COPA: variants seen among roughly 807,000 people sequenced by gnomAD.
COPA encodes the protein coatomer subunit alpha.
Under a neutral mutation model 158.7 loss-of-function variants are expected in COPA, and 10 were observed. The observed-to-expected ratio is 0.06, with a 90% confidence interval of 0.04 to 0.11. The LOEUF is 0.11. COPA is among the 10% of genes least tolerant of loss of function. COPA has a pLI of 1.00. For missense variants in COPA, 1,065 were observed against 1,536.7 expected, an observed-to-expected ratio of 0.69 and a Z score of 5.13; for synonymous variants, 462 against 542.8, an observed-to-expected ratio of 0.85 and a Z score of 2.07.
intron 6 of COPA, among the ~76,000 whole-genome samples, chr1:160,331,869 C>T (rs1230509197): frequency 2.0e-5 from 3 of 151,656 alleles, no homozygotes; most frequent in Non-Finnish European, 4.4e-5. Flanking sequence ...TGCTTGAACC[C>T]GGGAGGTGGA....
At chr1:160,317,443 G>A (rs1659186340) in intron 8 of COPA, 9 of 1,608,844 alleles carry the variant, frequency 5.6e-6, no homozygotes, top group South Asian at 1.1e-5. Flanking sequence ...GGACTTGGGG[G>A]ATAAGAAGGA....
intron 17 of COPA, 39 bp from the exon 18 acceptor site, chr1:160,299,303 A>G (rs1229273361): frequency 1.3e-6 from 2 of 1,571,052 alleles, no homozygotes; most frequent in South Asian, 2.3e-5. Context: ...AGTGAGAGGG[A>G]AAATCCATCC....
intron 2 of COPA, 40 bp downstream of exon 2, chr1:160,340,141 A>T: frequency 6.6e-7 from 1 of 1,517,096 alleles, no homozygotes; most frequent in South Asian, 1.1e-5. Flanking sequence ...GATATTATAA[A>T]TACTTATACT....
At chr1:160,342,879 T>C (rs927136182) in intron 1 of COPA, among the ~76,000 whole-genome samples, 2 of 151,736 alleles carry the variant, frequency 1.3e-5, no homozygotes, top group Admixed American at 1.3e-4. Flanking sequence ...GAAGAAAGAA[T>C]AGGGAGGGGG....
At chr1:160,338,285 T>C (rs1046722876) in intron 3 of COPA, among the ~76,000 whole-genome samples, 1 of 152,222 alleles carries the variant, frequency 6.6e-6, no homozygotes, top group Non-Finnish European at 1.5e-5. Context: ...TGAGTTTTGA[T>C]TGCCCCAGGA....
intron 17 of COPA, among the ~76,000 whole-genome samples, chr1:160,299,666 TAATA>T (rs201597137): frequency 0.014 from 2,122 of 152,256 alleles, 47 homozygotes; most frequent in African/African-American, 0.042. Flanking sequence ...AACTGAATAA[TAATA>T]AATAGATTGC....
intron 3 of COPA, among the ~76,000 whole-genome samples, chr1:160,338,097 T>C (rs1647858145): frequency 6.6e-6 from 1 of 152,234 alleles, no homozygotes; most frequent in African/African-American, 2.4e-5. Flanking sequence ...TTCCAAAATA[T>C]TAGTCATTTT....
At chr1:160,335,604 C>A (rs1196473954) in intron 3 of COPA, among the ~76,000 whole-genome samples, 2 of 152,054 alleles carry the variant, frequency 1.3e-5, no homozygotes, top group Admixed American at 6.5e-5. Flanking sequence ...GTTTTTCAGG[C>A]TGGGCGTGGT....
chr1:160,330,669 C>T (rs1271212195), intron 6 of COPA, among the ~76,000 whole-genome samples: 1 of 152,140 alleles, frequency 6.6e-6, no homozygotes, highest in Non-Finnish European at 1.5e-5. Flanking sequence ...AGAACAAGTG[C>T]CATTATTGCC....
rs981434116 is a variant in COPA at position 160,298,780 on chromosome 1, C to T, written c.1977+65G>A. ...AGAAGCAAGCCCAGAATAATGCCCT[C>T]CCAATGGCACTCTAACTCTCTCACC... is the stretch of plus-strand genomic sequence containing the variant. On this transcript the variant is annotated intron_variant, in intron 19 of 32. Coordinates refer to ENST00000241704, the MANE Select transcript of COPA (RefSeq NM_004371.4). The T allele has an allele frequency of 2.5e-6, 4 of 1,581,040 alleles. No homozygotes were observed. The African/African-American group carries it at 5.4e-5, about 21-fold the overall frequency.
intron 6 of COPA, among the ~76,000 whole-genome samples, chr1:160,327,713 C>T (rs1012617957): frequency 6.6e-6 from 1 of 151,624 alleles, no homozygotes; most frequent in Non-Finnish European, 1.5e-5. Flanking sequence ...CAAAAATTAG[C>T]TGGGTGTGGT....
Position 160,298,913 on chromosome 1 carries a change from C to T in COPA, c.1909G>A (p.Val637Met), listed in dbSNP as rs1435149409. ...TCATCCTTGACAAAATGCAGTGCCA[C>T]TTCAGGATAGCCCTTCTTCTGGAGA... The part of the protein sequence containing the change: ...AYLQKKGYPE[V>M]ALHFVKDEKT... The change falls in exon 19 of 33, where the codon GTG (valine) becomes ATG (methionine). Residue 637 changes from valine to methionine, a missense_variant. By Grantham distance (21) the Val-to-Met change is conservative. Around this residue, in one of 2 missense-constraint regions of COPA, gnomAD observed 980 missense variants for 1,357.8 expected, o/e 0.72. Transcript: ENST00000241704. The T allele has an allele frequency of 6.2e-7, 1 of 1,614,168 alleles. No homozygotes were observed. The highest frequency in any genetic ancestry group is 8.5e-7 in the Non-Finnish European group (1 of 1,180,032).
At chr1:160,306,308 C>A in intron 15 of COPA, 46 bp downstream of exon 15, 1 of 1,529,178 alleles carries the variant, frequency 6.5e-7, no homozygotes, top group Non-Finnish European at 8.8e-7. Flanking sequence ...GATGTCCACT[C>A]TCCCCAACTA....
At chr1:160,298,782 C>A in intron 19 of COPA, 63 bp downstream of exon 19, 1 of 1,584,998 alleles carries the variant, frequency 6.3e-7, no homozygotes. Flanking sequence ...AATGCCCTCC[C>A]AATGGCACTC....
At chr1:160,326,075 G>C (rs1008910362) in intron 6 of COPA, 3 of 164,604 alleles carry the variant, frequency 1.8e-5, no homozygotes, top group Admixed American at 1.7e-4. Flanking sequence ...GCTTTTCCCC[G>C]ATCATTTCAG....
At position 160,292,469 on chromosome 1, in the gene COPA, A is replaced by C; in HGVS notation, c.2960+15T>G. ...CAACTTGGAACAGATGAAAGCAAAG[A>C]GAAAAGGGCCTTACCAGTTGCGATT... On this transcript the variant is annotated intron_variant, in intron 28 of 32. Transcript: ENST00000241704. 6.2e-7 allele frequency: 1 copy of C among 1,612,884 alleles called. No homozygotes were observed. Among genetic ancestry groups the C allele is most frequent in the Non-Finnish European group, 8.5e-7 (1 of 1,179,626 alleles).
chr1:160,293,331 T>C, intron 26 of COPA, 55 bp downstream of exon 26: 1 of 1,610,292 alleles, frequency 6.2e-7, no homozygotes, highest in Non-Finnish European at 8.5e-7. Flanking sequence ...ACCTGTTATA[T>C]ACCAATCAAG....
At chr1:160,327,296 G>T (rs1647278163) in intron 6 of COPA, among the ~76,000 whole-genome samples, 1 of 152,156 alleles carries the variant, frequency 6.6e-6, no homozygotes, top group African/African-American at 2.4e-5. Context: ...TAGCACTTTG[G>T]GAGGCTGAGA....
Position 160,293,400 on chromosome 1 carries a change from T to C in COPA, c.2740A>G (p.Thr914Ala), listed in dbSNP as rs1658304833. 2 of 1,613,430 alleles carry C rather than the reference T, an allele frequency of 1.2e-6. No homozygotes were observed. The highest frequency in any genetic ancestry group is 1.1e-5 in the South Asian group (1 of 90,878). Reference protein sequence around the residue: ...DGFFVPPTKGTSPTQIWCNNS... With the variant: ...DGFFVPPTKGASPTQIWCNNS... ...TTCCCGCTTACCTGAGTTGGACTTGTTCCCTTGGTTGGGGGCACAAAGAAA... is the reference window on the plus strand; with the variant it reads ...TTCCCGCTTACCTGAGTTGGACTTGCTCCCTTGGTTGGGGGCACAAAGAAA... The change falls in exon 26 of 33, where the codon ACA becomes GCA. Residue 914 changes from threonine (T) to alanine (A), a missense_variant. Around this residue, in one of 2 missense-constraint regions of COPA, gnomAD observed 980 missense variants for 1,357.8 expected, o/e 0.72. Transcript: ENST00000241704.
Sources: gnomAD v4.1 joint callset for allele counts (sites outside exome capture counted in the v4.1 genomes callset) on GRCh38, gnomAD v4.1.1 for gene constraint, gnomAD v4.1.1 regional missense constraint, MANE v1.5 for transcripts, NCBI Gene and HGNC (gene_info 2026-07-23, HGNC 2026-07-21) for gene names.